Variants in CPNE4 observed in about 807,000 individuals in gnomAD.
The protein encoded by CPNE4 is copine-4.
A neutral mutation model predicts 67.9 loss-of-function variants in CPNE4; 25 were observed. The ratio of observed to expected loss-of-function variants is 0.37; its 90% CI spans 0.27 to 0.51. The LOEUF is 0.51. Among genes scored for constraint, CPNE4 ranks in the 20% least tolerant of loss-of-function variants. The pLI is 0.93. For synonymous variants in CPNE4, 242 were observed against 244.9 expected (o/e 0.99, Z 0.11); for missense variants, 464 against 690.8 (o/e 0.67, Z 3.68).
chr3:131,671,599 A>G (rs940377540), intron 6 of CPNE4, among the ~76,000 whole-genome samples: 7 of 152,126 alleles, frequency 4.6e-5, no homozygotes, highest in African/African-American at 1.7e-4. Context: ...AAACCTTGCC[A>G]TCATGTTCCT....
chr3:131,928,543 C>T (rs1207427521), intron 1 of CPNE4, among the ~76,000 whole-genome samples: 2 of 152,116 alleles, frequency 1.3e-5, no homozygotes, highest in Admixed American at 1.3e-4. Flanking sequence ...CCTGAAAAAG[C>T]AACAACATCC....
chr3:131,558,921 G>T (rs1057397242), intron 11 of CPNE4, among the ~76,000 whole-genome samples: 1 of 151,700 alleles, frequency 6.6e-6, no homozygotes, highest in Non-Finnish European at 1.5e-5. Context: ...TGCTGAAATT[G>T]ATATTCTGGG....
chr3:131,906,886 C>T (rs1305926742), intron 1 of CPNE4, among the ~76,000 whole-genome samples: 1 of 151,722 alleles, frequency 6.6e-6, no homozygotes, highest in Non-Finnish European at 1.5e-5. Context: ...AAAAGTGTTC[C>T]TATTTCTCCA....
At chr3:131,753,976 A>G (rs2082692471) in intron 2 of CPNE4, among the ~76,000 whole-genome samples, 1 of 152,164 alleles carries the variant, frequency 6.6e-6, no homozygotes, top group Non-Finnish European at 1.5e-5. Context: ...AAATATGAAG[A>G]GATATATGAA....
At chr3:132,034,482 T>C (rs912817001) in intron 1 of CPNE4, 85 bp downstream of exon 1, 18 of 549,370 alleles carry the variant, frequency 3.3e-5, no homozygotes, top group East Asian at 2.9e-4. Flanking sequence ...ATCTCAAAAG[T>C]TGGTCTTGCT....
intron 1 of CPNE4, among the ~76,000 whole-genome samples, chr3:131,923,955 C>T (rs947802035): frequency 6.6e-6 from 1 of 152,024 alleles, no homozygotes; most frequent in Non-Finnish European, 1.5e-5. Context: ...TTATTCTTCT[C>T]TGAATCCAAA....
intron 1 of CPNE4, among the ~76,000 whole-genome samples, chr3:131,946,495 C>T (rs2071555941): frequency 6.6e-6 from 1 of 152,132 alleles, no homozygotes; most frequent in Non-Finnish European, 1.5e-5. Flanking sequence ...CGTGGATGTA[C>T]AGGTAGTCAA....
chr3:131,541,241 A>G (rs767636552), intron 15 of CPNE4, among the ~76,000 whole-genome samples: 2 of 152,202 alleles, frequency 1.3e-5, no homozygotes, highest in Non-Finnish European at 1.5e-5. Context: ...ATTAGCCCCA[A>G]GGGAGGCTTT....
At chr3:131,934,843 T>A (rs1023736825) in intron 1 of CPNE4, among the ~76,000 whole-genome samples, 7 of 152,070 alleles carry the variant, frequency 4.6e-5, no homozygotes, top group Non-Finnish European at 1.0e-4. Flanking sequence ...GGCTGCTGAT[T>A]AGAAAAGGGA....
At chr3:131,657,387 A>G (rs2079998157) in intron 7 of CPNE4, among the ~76,000 whole-genome samples, 1 of 152,192 alleles carries the variant, frequency 6.6e-6, no homozygotes, top group Non-Finnish European at 1.5e-5. Flanking sequence ...AAAATTTTTG[A>G]TACATATTCA....
intron 1 of CPNE4, among the ~76,000 whole-genome samples, chr3:131,942,451 TGTGTGTGTGTGTGAGAGAGAGAGA>T (rs1399861135): frequency 3.0e-4 from 19 of 62,442 alleles, no homozygotes; most frequent in Admixed American, 2.4e-3. Flanking sequence ...TGTGTGTGTG[TGTGTGTGTGTGTGAGAGAGAGAGA>T]GAGAGAGAGA....
intron 3 of CPNE4, among the ~76,000 whole-genome samples, chr3:131,720,362 G>A (rs1378705898): frequency 2.8e-5 from 4 of 145,106 alleles, no homozygotes; most frequent in Non-Finnish European, 5.9e-5. Flanking sequence ...TCGGCTCAAT[G>A]CAACCTCTGC....
At chr3:132,023,527 G>A (rs376531097) in intron 1 of CPNE4, among the ~76,000 whole-genome samples, 3 of 111,150 alleles carry the variant, frequency 2.7e-5, no homozygotes, top group African/African-American at 3.5e-5. Context: ...TCGCTCTGTC[G>A]CCCAGGCTGG....
chr3:131,977,743 G>A (rs552251441), intron 1 of CPNE4, among the ~76,000 whole-genome samples: 46 of 151,894 alleles, frequency 3.0e-4, no homozygotes, highest in African/African-American at 9.7e-4. Context: ...ACATGAGTAA[G>A]TTCTTTAGTG....
chr3:131,886,319 A>C (rs930383133), intron 2 of CPNE4, among the ~76,000 whole-genome samples: 8 of 152,380 alleles, frequency 5.3e-5, no homozygotes, highest in Admixed American at 3.3e-4. Flanking sequence ...GCAGGTACAC[A>C]GAAGTCAAGA....
At chr3:131,792,639 GTATATATGTATATATACACACGTGTATA>G (rs2083768192) in intron 2 of CPNE4, among the ~76,000 whole-genome samples, 1 of 78,898 alleles carries the variant, frequency 1.3e-5, no homozygotes, top group African/African-American at 4.6e-5. Flanking sequence ...ATACACACGT[GTATATATGTATATATACACACGTGTATA>G]TATACATATA....
At chr3:131,710,816 G>C (rs1333531149) in intron 3 of CPNE4, among the ~76,000 whole-genome samples, 1 of 152,142 alleles carries the variant, frequency 6.6e-6, no homozygotes, top group African/African-American at 2.4e-5. Context: ...TTCTCATTAA[G>C]TTTATAAAAC....
chr3:131,873,901 G>C (rs972306999), intron 2 of CPNE4, among the ~76,000 whole-genome samples: 1 of 152,098 alleles, frequency 6.6e-6, no homozygotes, highest in Non-Finnish European at 1.5e-5. Context: ...ACAGCTGTGG[G>C]AAGAGGAGTG....
At chr3:131,572,721 T>C (rs1260465675) in intron 10 of CPNE4, among the ~76,000 whole-genome samples, 1 of 152,098 alleles carries the variant, frequency 6.6e-6, no homozygotes, top group Non-Finnish European at 1.5e-5. Flanking sequence ...AGCTCCCTGG[T>C]TGCTCAGGAG....
Sources: allele counts gnomAD v4.1 joint callset (sites outside exome capture counted in the v4.1 genomes callset), GRCh38; gene constraint gnomAD v4.1.1; transcripts MANE v1.5; gene names NCBI Gene and HGNC (gene_info 2026-07-23, HGNC 2026-07-21).